The following CP variants were observed in gnomAD, a reference collection of about 807,000 sequenced individuals.
CP encodes the protein ceruloplasmin.
Under a neutral mutation model 122.4 loss-of-function variants are expected in CP, and 64 were observed. The observed-to-expected ratio is 0.52, with a 90% CI of 0.43 to 0.64. The LOEUF (loss-of-function observed/expected upper bound fraction) is 0.64, where lower values mean the gene tolerates loss of function less well. CP is among the 30% of genes least tolerant of loss of function. The pLI, the probability that CP is intolerant of heterozygous loss-of-function variation, is 0.00. For synonymous variants in CP, 440 were observed against 436.4 expected, an observed-to-expected ratio of 1.01 and a Z score of -0.10; for missense variants, 1,167 against 1,284.4, an observed-to-expected ratio of 0.91 and a Z score of 1.40.
intron 13 of CP, among the ~76,000 whole-genome samples, chr3:149,182,803 T>G (rs774775071): frequency 1.3e-5 from 2 of 152,152 alleles, no homozygotes; most frequent in Non-Finnish European, 2.9e-5. Flanking sequence ...ATTTTAAAAG[T>G]AAATAGCTGT....
intron 3 of CP, 106 bp from the exon 4 acceptor site, chr3:149,209,490 C>T (rs540476060): frequency 5.8e-5 from 70 of 1,200,618 alleles, no homozygotes; most frequent in Non-Finnish European, 6.2e-5. Context: ...TTTATTTTTT[C>T]GAATAAATCA....
chr3:149,212,917 ACC>A (rs1450497570), intron 1 of CP, among the ~76,000 whole-genome samples: 2 of 152,210 alleles, frequency 1.3e-5, no homozygotes, highest in Non-Finnish European at 2.9e-5. Flanking sequence ...ATGTCAGAGA[ACC>A]ATCTGCGAAG....
rs544449293 is a variant in CP, at chr3:149,176,575, G to A, written c.3019-163C>T. ...ATACAAATGGTAAAATGTGGTTTTT[G>A]TATTCCTAATAAGTCTTTGGTATCC... On this transcript the variant is annotated intron_variant, in intron 17 of 18. Transcript: ENST00000264613. 3.0e-5 allele frequency: 19 copies of A among 624,238 alleles called. No homozygotes were observed. In the African/African-American group the frequency reaches 3.3e-4, roughly 11 times the overall value. The allele number at this position is 624,238 out of a possible 1,614,324, so 38.7% of individuals were successfully genotyped here. A position where few individuals can be genotyped will look rare whatever the true frequency, so the allele number is the denominator to read the frequency against.
At chr3:149,172,195 T>C (rs1442783120), downstream of CP, 2 of 1,613,702 alleles carry the variant, frequency 1.2e-6, no homozygotes, top group Non-Finnish European at 1.7e-6. Flanking sequence ...ATCTTCTCTA[T>C]TGCAGTCGAA....
downstream of CP, chr3:149,168,014 A>G (rs1250796858): frequency 8.0e-7 from 1 of 1,245,984 alleles, no homozygotes; most frequent in South Asian, 1.2e-5. Flanking sequence ...CTTGATTATA[A>G]ACTTAAGTTT....
chr3:149,170,528 G>A (rs1367461805), downstream of CP: 1 of 152,160 alleles, frequency 6.6e-6, no homozygotes, highest in Non-Finnish European at 1.5e-5. Context: ...TTATAAATGA[G>A]GAACCTAGGA....
downstream of CP, chr3:149,167,975 C>A: frequency 1.3e-6 from 2 of 1,533,776 alleles, no homozygotes; most frequent in Non-Finnish European, 1.8e-6. Context: ...TACCTGTCAT[C>A]ATTAAAAGGT....
downstream of CP, among the ~76,000 whole-genome samples, chr3:149,171,852 G>T (rs1457962634): frequency 6.6e-6 from 1 of 151,948 alleles, no homozygotes. Context: ...TTACAGGTGT[G>T]CGCCACCATG....
At position 149,183,658 on chromosome 3, in the gene CP, TAA is replaced by T. The variant is rs1576737375; in HGVS notation, c.2286-55_2286-54del. On this transcript the variant is annotated intron_variant, in intron 12 of 18. Transcript: ENST00000264613. ...TATTTGTCTTAATGAAAATGTAACTTAAGTTTTAAACTTTAAATTTTGAATAA... is the reference window on the plus strand; with the variant it reads ...TATTTGTCTTAATGAAAATGTAACTTGTTTTAAACTTTAAATTTTGAATAA... The T allele has an allele frequency of 9.2e-6, 12 of 1,298,578 alleles. No individual in the cohort carries two copies. In the South Asian group the frequency reaches 1.2e-4, roughly 13 times the overall value. The allele number at this position is 1,298,578 out of a possible 1,614,324, so 80.4% of individuals were successfully genotyped here.
In CP at chr3:149,167,030, A is replaced by G; in HGVS notation, c.587-980T>C. ...TTCATAACATTTCACTTTTCTGTTCATAGTCTCTTATATGTGGTCCTTCAT... is the reference window on the plus strand; with the variant it reads ...TTCATAACATTTCACTTTTCTGTTCGTAGTCTCTTATATGTGGTCCTTCAT... On this transcript the variant is annotated intron_variant, in intron 4 of 5. Transcript: ENST00000479771. 6.2e-7 allele frequency: 1 copy of G among 1,607,746 alleles called. No individual in the cohort carries two copies. Among genetic ancestry groups the G allele is most frequent in the Non-Finnish European group, 8.5e-7 (1 of 1,174,580 alleles).
At chr3:149,163,879 G>A (rs1216442323) in intron 5 of CP, 1 of 1,584,968 alleles carries the variant, frequency 6.3e-7, no homozygotes, top group East Asian at 2.2e-5. Flanking sequence ...ATTTATCCAT[G>A]GGTTCACGTC....
At chr3:149,182,397 T>C (rs1725844578) in intron 13 of CP, among the ~76,000 whole-genome samples, 1 of 152,204 alleles carries the variant, frequency 6.6e-6, no homozygotes, top group African/African-American at 2.4e-5. Context: ...GTTGGATATC[T>C]GGCCAGGAGT....
intron 12 of CP, among the ~76,000 whole-genome samples, chr3:149,184,578 G>A (rs1017493366): frequency 1.3e-5 from 2 of 152,288 alleles, no homozygotes; most frequent in South Asian, 2.1e-4. Context: ...GGAGAGGAAA[G>A]TGCTTGGAAA....
rs1328458846 is a variant in CP, at chr3:149,186,729, A to G, written c.1868T>C (p.Met623Thr). The change falls in exon 11 of 19, where the codon ATG becomes ACG. Residue 623 changes from methionine (M) to threonine (T), a missense_variant. Met to Thr is a moderately conservative substitution (Grantham distance 81). Coordinates refer to ENST00000264613, the MANE Select transcript of CP (RefSeq NM_000096.4). Reference sequence around the variant, plus strand: ...CTGATTCCCATACATGAATCCATTCATGGCTGTAAAAGTTGGGAAATAACA... The same window carrying G: ...CTGATTCCCATACATGAATCCATTCGTGGCTGTAAAAGTTGGGAAATAACA... ...DFQESNKMHS[M>T]NGFMYGNQPG... 6.2e-7 allele frequency: 1 copy of G among 1,613,664 alleles called. No homozygotes were observed. Among genetic ancestry groups the G allele is most frequent in the Non-Finnish European group, 8.5e-7 (1 of 1,179,946 alleles).
intron 9 of CP, among the ~76,000 whole-genome samples, chr3:149,190,656 TAAAAA>T (rs146345788): frequency 1.6e-5 from 1 of 64,112 alleles, no homozygotes; most frequent in Non-Finnish European, 3.4e-5. Context: ...AGACTCTGTC[TAAAAA>T]AAAAAAAAAA....
chr3:149,166,433 T>C (rs561730063), intron 4 of CP, among the ~76,000 whole-genome samples: 18 of 152,354 alleles, frequency 1.2e-4, no homozygotes, highest in Middle Eastern at 6.8e-3. Context: ...GCCATGCTCT[T>C]CCGACAGTAT....
intron 1 of CP, among the ~76,000 whole-genome samples, chr3:149,220,233 C>T (rs571351683): frequency 3.9e-4 from 59 of 152,256 alleles, no homozygotes; most frequent in African/African-American, 1.3e-3. Flanking sequence ...CAATGTCTTG[C>T]ACTTAGTTTA....
intron 6 of CP, among the ~76,000 whole-genome samples, chr3:149,204,837 T>A (rs1342800254): frequency 6.6e-6 from 1 of 152,090 alleles, no homozygotes; most frequent in East Asian, 1.9e-4. Flanking sequence ...ACAGAAAGAA[T>A]GACTGGGAGG....
At chr3:149,162,899 C>T (rs899693682) in intron 5 of CP, 3 of 1,594,142 alleles carry the variant, frequency 1.9e-6, no homozygotes, top group Non-Finnish European at 1.7e-6. Context: ...GGAATAATAC[C>T]TTAAATTTAA....
Sources: gnomAD v4.1 joint callset for allele counts (sites outside exome capture counted in the v4.1 genomes callset) on GRCh38, gnomAD v4.1.1 for gene constraint, MANE v1.5 for transcripts, NCBI Gene and HGNC (gene_info 2026-07-23, HGNC 2026-07-21) for gene names.